GLIPR2: variants seen among roughly 807,000 people sequenced by gnomAD.
GLIPR2 encodes Golgi-associated plant pathogenesis-related protein 1.
Under a neutral mutation model 20.4 loss-of-function variants are expected in GLIPR2, and 21 were observed. The ratio of observed to expected loss-of-function variants is 1.03; its 90% CI spans 0.73 to 1.48. GLIPR2 has a LOEUF of 1.48. GLIPR2 is among the 40% of genes most tolerant of loss of function. The pLI, the probability that GLIPR2 is intolerant of heterozygous loss-of-function variation, is 0.00. For synonymous variants in GLIPR2, 91 were observed against 80.5 expected (o/e 1.13, Z -0.70); for missense variants, 205 against 200.1 (o/e 1.02, Z -0.15).
chr9:36,155,314 G>C (rs1295911986), intron 4 of GLIPR2, among the ~76,000 whole-genome samples: 1 of 152,222 alleles, frequency 6.6e-6, no homozygotes, highest in Admixed American at 6.5e-5. Context: ...GTTTTAAATG[G>C]CTGGGCGTGG....
At chr9:36,161,258 A>C (rs929441823) in intron 4 of GLIPR2, among the ~76,000 whole-genome samples, 3 of 151,388 alleles carry the variant, frequency 2.0e-5, no homozygotes, top group African/African-American at 7.3e-5. Context: ...AGGGATGCAG[A>C]CTCCCCCTGG....
chr9:36,148,721 C>T, intron 3 of GLIPR2, 71 bp downstream of exon 3: 1 of 1,031,356 alleles, frequency 9.7e-7, no homozygotes, highest in Non-Finnish European at 1.5e-6. Context: ...TGAAATGCCT[C>T]CTGGCCCCAG....
At chr9:36,137,858 G>C (rs566411413) in intron 1 of GLIPR2, among the ~76,000 whole-genome samples, 3 of 152,356 alleles carry the variant, frequency 2.0e-5, no homozygotes, top group Non-Finnish European at 4.4e-5. Context: ...CTGGACTCAG[G>C]AGATGCCAGC....
rs375589041 is a variant in GLIPR2 at position 36,162,574 on chromosome 9, G to A, written c.*52G>A. On this transcript the variant is annotated 3_prime_UTR_variant, in exon 5 of 5. Transcript: ENST00000377960. ...AGACTTAAGAACGTGGATATGAAGT[G>A]CCTAGAACCACCACAACCTGGCTGT... is the stretch of plus-strand genomic sequence containing the variant. 6.3e-7 allele frequency: 1 copy of A among 1,576,600 alleles called. No individual in the cohort carries two copies. The highest frequency in any genetic ancestry group is 2.3e-5 in the East Asian group (1 of 43,954).
chr9:36,163,820 G>A lies in GLIPR2; in HGVS notation c.*1298G>A, dbSNP rs1826170749. 1 of 152,700 alleles carries A rather than the reference G, an allele frequency of 6.5e-6. No homozygotes were observed. The highest frequency in any genetic ancestry group is 1.5e-5 in the Non-Finnish European group (1 of 68,062). 9.5% of individuals were successfully genotyped at this position (152,700 alleles called of 1,614,324 possible). A position where few individuals can be genotyped will look rare whatever the true frequency, so the allele number is the denominator to read the frequency against. On this transcript the variant is annotated 3_prime_UTR_variant, in exon 5 of 5. Coordinates refer to ENST00000377960, the MANE Select transcript of GLIPR2 (RefSeq NM_022343.4). Reference sequence around the variant, plus strand: ...CTCAAAGCAGCTCCTGAAGGTCTGTGTTGCACTGTCACCAGTCTCAAGCTA... The same window carrying A: ...CTCAAAGCAGCTCCTGAAGGTCTGTATTGCACTGTCACCAGTCTCAAGCTA...
chr9:36,160,349 C>T (rs1360145652), intron 4 of GLIPR2, among the ~76,000 whole-genome samples: 1 of 152,024 alleles, frequency 6.6e-6, no homozygotes, highest in Admixed American at 6.6e-5. Context: ...AAAAATGATT[C>T]GGCAGTGGCG....
chr9:36,140,246 C>G (rs1825014660), intron 1 of GLIPR2, among the ~76,000 whole-genome samples: 2 of 152,170 alleles, frequency 1.3e-5, no homozygotes, highest in African/African-American at 4.8e-5. Context: ...TAGTGTCCCT[C>G]CATCCACCTA....
In GLIPR2 at chr9:36,147,868, C is replaced by A; in HGVS notation, c.96C>A (p.Cys32Ter). The change falls in exon 2 of 5, where the codon TGC (cysteine) becomes TGA (stop). Residue 32 changes from cysteine (C) to a stop codon, truncating the protein, a stop_gained. Transcript: ENST00000377960. LOFTEE classifies it high-confidence loss of function. ...QKHGVPPLKL[C>*]KNLNREAQQY... Reference sequence around the variant, plus strand: ...ACGGCGTCCCCCCACTGAAGCTCTGCAAGAACCTCAACCGGGAGGCTCAAC... The same window carrying A: ...ACGGCGTCCCCCCACTGAAGCTCTGAAAGAACCTCAACCGGGAGGCTCAAC... 6.4e-7 allele frequency: 1 copy of A among 1,574,216 alleles called. No individual in the cohort carries two copies. Among genetic ancestry groups the A allele is most frequent in the Non-Finnish European group, 8.7e-7 (1 of 1,143,582 alleles).
intron 1 of GLIPR2, chr9:36,141,821 T>TTC (rs1825099164): frequency 5.3e-6 from 1 of 187,056 alleles, no homozygotes; most frequent in African/African-American, 3.2e-5. Flanking sequence ...GCATGGCTAA[T>TTC]TTTTTTTTTT....
intron 4 of GLIPR2, among the ~76,000 whole-genome samples, chr9:36,158,584 A>G (rs1386111659): frequency 6.6e-6 from 1 of 152,198 alleles, no homozygotes; most frequent in Non-Finnish European, 1.5e-5. Context: ...AATAAAACAG[A>G]TGTGGCACGT....
At position 36,141,325 on chromosome 9, in the gene GLIPR2, T is replaced by A. The variant is rs117937103; in HGVS notation, c.13+4534T>A. The stretch of plus-strand genomic sequence containing the variant: ...CCGGATCCGGCTTAAAGAGCAGGAG[T>A]TACCCAGCTGAAATTCATTCTTTTT... On this transcript the variant is annotated intron_variant, in intron 1 of 4. Transcript: ENST00000377960. 5.3e-4 allele frequency among the ~76,000 whole-genome samples: 81 copies of A among 152,010 alleles called. 1 individual carries two copies. In the East Asian group the frequency reaches 0.015, roughly 28 times the overall value.
At chr9:36,161,110 A>G (rs753606843) in intron 4 of GLIPR2, among the ~76,000 whole-genome samples, 1 of 152,134 alleles carries the variant, frequency 6.6e-6, no homozygotes, top group Non-Finnish European at 1.5e-5. Context: ...ACCAGTCAGG[A>G]GGCTATTGCA....
intron 4 of GLIPR2, among the ~76,000 whole-genome samples, chr9:36,157,802 T>TG (rs949317220): frequency 2.2e-4 from 33 of 150,778 alleles, no homozygotes; most frequent in African/African-American, 8.0e-4. Context: ...TGTGTCTTTG[T>TG]GGGTTTTTTT....
At chr9:36,152,728 C>T (rs1414388436) in intron 4 of GLIPR2, among the ~76,000 whole-genome samples, 1 of 87,900 alleles carries the variant, frequency 1.1e-5, no homozygotes, top group Non-Finnish European at 2.1e-5. Context: ...CCAGCCTGGG[C>T]AATAAGAGCA....
intron 3 of GLIPR2, among the ~76,000 whole-genome samples, 184 bp from the exon 4 acceptor site, chr9:36,150,688 G>A (rs183605235): frequency 3.1e-4 from 47 of 152,304 alleles, no homozygotes; most frequent in African/African-American, 1.1e-3. Context: ...CTTCAGCCTG[G>A]CCATGCTCAT....
At chr9:36,149,588 C>A (rs1042863389) in intron 3 of GLIPR2, among the ~76,000 whole-genome samples, 1 of 152,240 alleles carries the variant, frequency 6.6e-6, no homozygotes, top group Non-Finnish European at 1.5e-5. Context: ...ATTCCAGCCT[C>A]GCACAGCCTC....
chr9:36,139,031 T>G (rs1230028416), intron 1 of GLIPR2, among the ~76,000 whole-genome samples: 1 of 151,786 alleles, frequency 6.6e-6, no homozygotes, highest in Non-Finnish European at 1.5e-5. Context: ...ACTGCCGCAG[T>G]CACAAACAGG....
chr9:36,151,025 C>G (rs748533893), intron 4 of GLIPR2, 76 bp downstream of exon 4: 2 of 943,788 alleles, frequency 2.1e-6, no homozygotes, highest in East Asian at 4.8e-5. Flanking sequence ...AGGGAGGAAC[C>G]AGCCCTCTAA....
intron 1 of GLIPR2, among the ~76,000 whole-genome samples, chr9:36,138,029 C>G (rs1056113567): frequency 6.6e-6 from 1 of 151,944 alleles, no homozygotes; most frequent in Non-Finnish European, 1.5e-5. Context: ...TGAGGGTGGC[C>G]GTATGAGCCC....
Sources: gnomAD v4.1 joint callset for allele counts (sites outside exome capture counted in the v4.1 genomes callset) on GRCh38, gnomAD v4.1.1 for gene constraint, MANE v1.5 for transcripts, NCBI Gene and HGNC (gene_info 2026-07-23, HGNC 2026-07-21) for gene names.